The following TRUB1 variants were observed in gnomAD, a reference collection of about 807,000 sequenced individuals.
TRUB1 encodes pseudouridylate synthase TRUB1.
In TRUB1, 23 loss-of-function variants were observed where a neutral mutation model predicts 33.9. The ratio of observed to expected loss-of-function variants is 0.68; its 90% confidence interval spans 0.49 to 0.96. TRUB1 has a LOEUF of 0.96. Among genes scored for constraint, TRUB1 ranks in the 40% least tolerant of loss-of-function variants. The probability of loss-of-function intolerance (pLI) is 0.00; values close to 1 mark genes in which losing one functional copy is unlikely to be tolerated. For synonymous variants in TRUB1, 163 were observed against 165.4 expected (o/e 0.99, Z 0.11); for missense variants, 378 against 422.2 (o/e 0.90, Z 0.92).
intron 2 of TRUB1, among the ~76,000 whole-genome samples, chr10:114,948,674 G>C (rs1297459266): frequency 1.3e-5 from 2 of 152,136 alleles, no homozygotes; most frequent in Non-Finnish European, 2.9e-5. Context: ...ATGGCATTTG[G>C]TTATTCTTAG....
In TRUB1 at chr10:114,976,533, A is replaced by G. The variant is rs1399194219; in HGVS notation, c.*1154A>G. 6.6e-6 allele frequency: 1 copy of G among 152,100 alleles called. No homozygotes were observed. The highest frequency in any genetic ancestry group is 1.9e-4 in the East Asian group (1 of 5,196). 9.4% of individuals were successfully genotyped at this position (152,100 alleles called of 1,614,324 possible). On this transcript the variant is annotated 3_prime_UTR_variant, in exon 8 of 8. Coordinates refer to ENST00000298746, the MANE Select transcript of TRUB1 (RefSeq NM_139169.5). ...GAAACATTCAGATCCCTCTTCCTTTACTCAAATACAGTTTCAAAAGGAAGA... is the reference window on the plus strand; with the variant it reads ...GAAACATTCAGATCCCTCTTCCTTTGCTCAAATACAGTTTCAAAAGGAAGA...
chr10:114,974,842 G>A (rs759234253), intron 7 of TRUB1, among the ~76,000 whole-genome samples: 3 of 152,036 alleles, frequency 2.0e-5, no homozygotes, highest in Admixed American at 6.6e-5. Context: ...TGTAAAGTGC[G>A]GCTAATCTTT....
At chr10:114,969,917 G>A (rs1421438668) in intron 4 of TRUB1, among the ~76,000 whole-genome samples, 1 of 152,096 alleles carries the variant, frequency 6.6e-6, no homozygotes, top group Non-Finnish European at 1.5e-5. Context: ...TACTTGTTAA[G>A]TGCCACATTA....
At chr10:114,955,237 T>C (rs1457853466) in intron 3 of TRUB1, among the ~76,000 whole-genome samples, 1 of 152,368 alleles carries the variant, frequency 6.6e-6, no homozygotes, top group South Asian at 2.1e-4. Context: ...GCCCCTCTTA[T>C]ATCTTCCCTA....
In TRUB1 at chr10:114,975,325, A is replaced by G. The variant is rs1246636037; in HGVS notation, c.996A>G (p.Glu332=). 3 of 1,611,854 alleles carry G rather than the reference A, an allele frequency of 1.9e-6. No individual in the cohort carries two copies. The highest frequency in any genetic ancestry group is 1.3e-5 in the African/African-American group (1 of 74,828). ...PESNEQVLSC[E]YITLNEPKRE... ...CTAATGAACAGGTTTTGAGCTGTGA[A>G]TATATAACTCTAAATGAGCCAAAGA... The change falls in exon 8 of 8, where the codon GAA becomes GAG. Residue 332 remains glutamate (E), a synonymous_variant. Coordinates refer to ENST00000298746, the MANE Select transcript of TRUB1 (RefSeq NM_139169.5).
intron 5 of TRUB1, among the ~76,000 whole-genome samples, chr10:114,971,131 G>C (rs2084335079): frequency 6.6e-6 from 1 of 152,180 alleles, no homozygotes; most frequent in South Asian, 2.1e-4. Context: ...AGTAGAAGGG[G>C]CAAGGCAGCT....
chr10:114,939,217 G>A (rs1331220226), intron 1 of TRUB1, among the ~76,000 whole-genome samples: 1 of 152,124 alleles, frequency 6.6e-6, no homozygotes, highest in Non-Finnish European at 1.5e-5. Flanking sequence ...CGTACACTGG[G>A]AAAATAGTAG....
At chr10:114,966,596 A>G (rs2084309785) in intron 4 of TRUB1, among the ~76,000 whole-genome samples, 3 of 152,330 alleles carry the variant, frequency 2.0e-5, no homozygotes, top group Middle Eastern at 3.4e-3. Context: ...TCTAAACAAT[A>G]TCAAGCCTTC....
chr10:114,939,901 G>A (rs1321535668), intron 1 of TRUB1, among the ~76,000 whole-genome samples: 1 of 149,744 alleles, frequency 6.7e-6, no homozygotes, highest in Non-Finnish European at 1.5e-5. Flanking sequence ...CCATATTCTG[G>A]CCTTCTGGCT....
At chr10:114,955,784 CT>C (rs1304951945) in intron 3 of TRUB1, among the ~76,000 whole-genome samples, 2 of 152,154 alleles carry the variant, frequency 1.3e-5, no homozygotes, top group East Asian at 3.9e-4. Context: ...CAGTTTGTAC[CT>C]TTTCTATATA....
At chr10:114,941,276 C>T (rs573114499) in intron 1 of TRUB1, among the ~76,000 whole-genome samples, 1 of 152,122 alleles carries the variant, frequency 6.6e-6, no homozygotes, top group Non-Finnish European at 1.5e-5. Flanking sequence ...TATATTTATC[C>T]AGAAGGAAGC....
chr10:114,972,685 A>C (rs577552720), intron 6 of TRUB1, among the ~76,000 whole-genome samples: 2 of 152,252 alleles, frequency 1.3e-5, no homozygotes, highest in Admixed American at 1.3e-4. Context: ...TTAATTTTCC[A>C]ATGAAAACAA....
chr10:114,969,765 A>G (rs564397062), intron 4 of TRUB1, among the ~76,000 whole-genome samples: 2 of 148,178 alleles, frequency 1.3e-5, no homozygotes, highest in East Asian at 4.1e-4. Flanking sequence ...AATTCCAACA[A>G]CAGAGAAGGG....
intron 2 of TRUB1, among the ~76,000 whole-genome samples, chr10:114,946,415 C>T (rs1215817235): frequency 6.6e-6 from 1 of 152,006 alleles, no homozygotes; most frequent in Non-Finnish European, 1.5e-5. Context: ...GATCTCAGCT[C>T]ACTGCAACCT....
intron 4 of TRUB1, among the ~76,000 whole-genome samples, chr10:114,968,291 G>A (rs551451258): frequency 4.8e-4 from 73 of 152,254 alleles, no homozygotes; most frequent in Admixed American, 1.0e-3. Context: ...AGCAAAAGAG[G>A]GCCACCAAAG....
intron 7 of TRUB1, 48 bp downstream of exon 7, chr10:114,974,433 C>T (rs773235025): frequency 6.7e-7 from 1 of 1,493,782 alleles, no homozygotes; most frequent in Non-Finnish European, 9.3e-7. Context: ...AATAATACTC[C>T]TTTTCAATTG....
At chr10:114,965,378 A>G (rs1353110316) in intron 4 of TRUB1, among the ~76,000 whole-genome samples, 1 of 152,014 alleles carries the variant, frequency 6.6e-6, no homozygotes, top group Non-Finnish European at 1.5e-5. Context: ...CTCCTTATTC[A>G]CATATTAAAG....
At chr10:114,941,788 TA>T (rs1467816064) in intron 1 of TRUB1, among the ~76,000 whole-genome samples, 4 of 152,082 alleles carry the variant, frequency 2.6e-5, no homozygotes, top group Non-Finnish European at 5.9e-5. Flanking sequence ...TTTGTTTATT[TA>T]TTTATTTTTT....
In TRUB1 at chr10:114,975,475, C is replaced by G; in HGVS notation, c.*96C>G. On this transcript the variant is annotated 3_prime_UTR_variant, in exon 8 of 8. Transcript: ENST00000298746. ...TGCATTCAAAAGACAAACAATATGT[C>G]TTTTTTTTTTTTGCATGAAGAAAAA... 1 of 995,218 alleles carries G rather than the reference C, an allele frequency of 1.0e-6. No individual in the cohort carries two copies. The highest frequency in any genetic ancestry group is 1.4e-6 in the Non-Finnish European group (1 of 726,210). The allele number at this position is 995,218 out of a possible 1,614,324, so 61.6% of individuals were successfully genotyped here. A position where few individuals can be genotyped will look rare whatever the true frequency, so the allele number is the denominator to read the frequency against.
Sources: gnomAD v4.1 joint callset for allele counts (sites outside exome capture counted in the v4.1 genomes callset) on GRCh38, gnomAD v4.1.1 for gene constraint, MANE v1.5 for transcripts, NCBI Gene and HGNC (gene_info 2026-07-23, HGNC 2026-07-21) for gene names.